The following SEMA4G variants were observed in gnomAD, a reference collection of about 807,000 sequenced individuals.
SEMA4G encodes semaphorin-4G.
A neutral mutation model predicts 81.2 loss-of-function variants in SEMA4G; 59 were observed. That is an observed-to-expected ratio of 0.73 (90% confidence interval 0.59 to 0.90). The LOEUF is 0.90. Ranked by LOEUF, SEMA4G falls within the 40% of genes least tolerant of loss-of-function variation. SEMA4G has a pLI of 0.00. For missense variants in SEMA4G, 952 were observed against 1,102.3 expected (o/e 0.86, Z 1.93); for synonymous variants, 404 against 433.9 (o/e 0.93, Z 0.86).
chr10:100,978,577 A>G (rs1393099586), exon 6 of SEMA4G: 6 of 1,614,124 alleles, frequency 3.7e-6, no homozygotes, highest in Non-Finnish European at 5.1e-6. Flanking sequence ...CATTCCTGAC[A>G]TCCGCCGGAG....
chr10:100,984,890 A>G (rs995448141), downstream of SEMA4G: 1 of 1,467,222 alleles, frequency 6.8e-7, no homozygotes, highest in Non-Finnish European at 9.0e-7. Context: ...TCTCAAGAGT[A>G]TGAGAGACAG....
At chr10:100,984,209 C>T in exon 14 of SEMA4G, 3 of 1,514,448 alleles carry the variant, frequency 2.0e-6, no homozygotes, top group Non-Finnish European at 2.6e-6. Context: ...CTAACACAGC[C>T]ACCCTCCCTT....
At position 100,983,904 on chromosome 10, in the gene SEMA4G, G is replaced by GC; in HGVS notation, c.2294dup (p.Pro766ThrfsTer11). 5 of 297,244 alleles carry GC rather than the reference G, an allele frequency of 1.7e-5. No individual in the cohort carries two copies. Among genetic ancestry groups the GC allele is most frequent in the Admixed American group, 5.4e-5 (1 of 18,602 alleles). 18.4% of individuals were successfully genotyped at this position (297,244 alleles called of 1,614,324 possible). On this transcript the variant is annotated frameshift_variant, in exon 14 of 14. Coordinates refer to ENST00000370250, the Ensembl canonical transcript of SEMA4G. LOFTEE classifies it high-confidence loss of function. Reference sequence around the variant, plus strand: ...GATCATCCCTGGGGAGGGAGCCCCAGCCCCACCACCCCCACCGCCCCCACC... The same window carrying GC: ...GATCATCCCTGGGGAGGGAGCCCCAGCCCCCACCACCCCCACCGCCCCCACC...
chr10:100,972,836 C>T (rs1050718409), exon 1 of SEMA4G: 1 of 1,504,022 alleles, frequency 6.6e-7, no homozygotes, highest in East Asian at 2.3e-5. Flanking sequence ...TGTGACTGTG[C>T]TTCCCATTCC....
At chr10:100,971,069 G>A (rs2133853517), upstream of SEMA4G, among the ~76,000 whole-genome samples, 1 of 152,346 alleles carries the variant, frequency 6.6e-6, no homozygotes, top group Middle Eastern at 3.4e-3. Context: ...GAGTATATGT[G>A]TGAATGACCC....
chr10:100,981,223 G>A, exon 13 of SEMA4G: 1 of 1,614,186 alleles, frequency 6.2e-7, no homozygotes, highest in South Asian at 1.1e-5. Context: ...GAGCAGCAGG[G>A]ATACAGGTAA....
At chr10:100,984,896 G>A (rs960318556), downstream of SEMA4G, 4 of 1,463,916 alleles carry the variant, frequency 2.7e-6, no homozygotes, top group South Asian at 4.2e-5. Flanking sequence ...GAGTATGAGA[G>A]ACAGAGCTCC....
rs1851043786 is a variant in SEMA4G, at chr10:100,981,005, G to A, written c.1628+23G>A. 1.9e-6 allele frequency: 3 copies of A among 1,592,720 alleles called. No homozygotes were observed. Among genetic ancestry groups the A allele is most frequent in the South Asian group, 1.1e-5 (1 of 87,530 alleles). ...CAGGTCCCAGGGAAGCAGGTGGGAA[G>A]TGGTGGGGGGTGACAGTCACATGTG... is the stretch of plus-strand genomic sequence containing the variant. On this transcript the variant is annotated intron_variant, in intron 12 of 13. Coordinates refer to ENST00000370250, the Ensembl canonical transcript of SEMA4G.
chr10:100,981,097 C>A, intron 12 of SEMA4G, 71 bp from the exon 14 acceptor site: 1 of 1,607,298 alleles, frequency 6.2e-7, no homozygotes, highest in Non-Finnish European at 8.5e-7. Context: ...TAGTAACAGA[C>A]CTATCTACCC....
At chr10:100,975,846 G>A (rs113291181) in intron 3 of SEMA4G, among the ~76,000 whole-genome samples, 100 of 152,244 alleles carry the variant, frequency 6.6e-4, no homozygotes, top group African/African-American at 2.1e-3. Context: ...GTTGCAGTGA[G>A]CTGAGATCAT....
chr10:100,976,079 G>C (rs1012244930), intron 3 of SEMA4G, among the ~76,000 whole-genome samples: 1 of 152,086 alleles, frequency 6.6e-6, no homozygotes, highest in South Asian at 2.1e-4. Context: ...TTATGGAGAC[G>C]GGGGACAGAT....
Position 100,972,790 on chromosome 10 carries a change from CT to C in SEMA4G, c.-122del. On this transcript the variant is annotated 5_prime_UTR_variant, in exon 1 of 14. The change abolishes the stop of an existing upstream ORF in the 5' untranslated region. Coordinates refer to ENST00000370250, the Ensembl canonical transcript of SEMA4G. ...CTTGACTCCTATGACCTTATGACCC[CT>C]GACCTTCCAAGTGACTTCCTTGGAC... is the stretch of plus-strand genomic sequence containing the variant. 9.3e-7 allele frequency: 1 copy of C among 1,071,430 alleles called. No homozygotes were observed. The highest frequency in any genetic ancestry group is 1.3e-6 in the Non-Finnish European group (1 of 741,260). 66.4% of individuals were successfully genotyped at this position (1,071,430 alleles called of 1,614,324 possible). A position where few individuals can be genotyped will look rare whatever the true frequency, so the allele number is the denominator to read the frequency against.
At chr10:100,972,057 A>T (rs1402625736), upstream of SEMA4G, among the ~76,000 whole-genome samples, 1 of 152,134 alleles carries the variant, frequency 6.6e-6, no homozygotes, top group East Asian at 1.9e-4. Context: ...GAAATTCCAG[A>T]GGGAGCTCTC....
chr10:100,978,925 C>T, exon 7 of SEMA4G: 16 of 1,614,208 alleles, frequency 9.9e-6, no homozygotes, highest in African/African-American at 1.3e-5. Flanking sequence ...AGGTGTACTA[C>T]TTCTTCACGG....
exon 4 of SEMA4G, chr10:100,977,659 C>G: frequency 6.2e-7 from 1 of 1,614,136 alleles, no homozygotes; most frequent in Non-Finnish European, 8.5e-7. Context: ...TGTGCGGTTC[C>G]TGCAGCGGCT....
chr10:100,984,093 A>C lies in SEMA4G; in HGVS notation c.2479A>C (p.Thr827Pro), dbSNP rs1287154805. Residue 827 changes from threonine to proline, a missense_variant, in exon 14 of 14, where the codon ACG becomes CCG. Transcript: ENST00000370250. ...CCGCATCCTGGAAAAAAGGAAGCAC[A>C]CGCAGCTCGTGGAGCAGCTAGATGA... 1.9e-6 allele frequency: 3 copies of C among 1,613,286 alleles called. No homozygotes were observed. The African/African-American group carries it at 4.0e-5, about 22-fold the overall frequency.
chr10:100,969,566 C>T (rs1461341188), upstream of SEMA4G: 6 of 197,360 alleles, frequency 3.0e-5, no homozygotes, highest in African/African-American at 1.4e-4. Context: ...GTCGCTGTCT[C>T]TATGGCCCCG....
upstream of SEMA4G, chr10:100,970,061 G>T: frequency 5.7e-6 from 2 of 349,290 alleles, no homozygotes; most frequent in Middle Eastern, 8.0e-4. Flanking sequence ...CACTAGGCAG[G>T]TGGACATCTG....
intron 9 of SEMA4G, 58 bp downstream of exon 10, chr10:100,980,050 G>C: frequency 6.2e-7 from 1 of 1,613,628 alleles, no homozygotes; most frequent in Non-Finnish European, 8.5e-7. Flanking sequence ...AAGGGTCAAA[G>C]GGTCTGGCCT....
Sources: allele counts gnomAD v4.1 joint callset (sites outside exome capture counted in the v4.1 genomes callset), GRCh38; gene constraint gnomAD v4.1.1; transcripts MANE v1.5; gene names NCBI Gene and HGNC (gene_info 2026-07-23, HGNC 2026-07-21).